The following FNIP2 variants were observed in gnomAD, a reference collection of about 807,000 sequenced individuals.
FNIP2 encodes folliculin-interacting protein 2.
Under a neutral mutation model 108.7 loss-of-function variants are expected in FNIP2, and 32 were observed. The observed-to-expected ratio is 0.29, with a 90% CI of 0.22 to 0.40. The LOEUF is 0.40. Among genes scored for constraint, FNIP2 ranks in the 10% least tolerant of loss-of-function variants. The pLI is 1.00. For synonymous variants in FNIP2, 480 were observed against 496.7 expected, an observed-to-expected ratio of 0.97 and a Z score of 0.45; for missense variants, 1,202 against 1,381.6, an observed-to-expected ratio of 0.87 and a Z score of 2.06.
intron 1 of FNIP2, among the ~76,000 whole-genome samples, chr4:158,787,289 C>A (rs1487684168): frequency 2.0e-5 from 3 of 152,184 alleles, no homozygotes; most frequent in Non-Finnish European, 4.4e-5. Context: ...TTGGGAATTA[C>A]ATGTTGTACA....
chr4:158,813,706 C>CT (rs1157970153), intron 1 of FNIP2, among the ~76,000 whole-genome samples: 5 of 152,192 alleles, frequency 3.3e-5, no homozygotes, highest in African/African-American at 1.2e-4. Flanking sequence ...TCAATGATTT[C>CT]TTTCGTAGAC....
intron 14 of FNIP2, among the ~76,000 whole-genome samples, chr4:158,873,142 C>T (rs565326373): frequency 1.4e-5 from 2 of 146,886 alleles, no homozygotes; most frequent in East Asian, 2.0e-4. Flanking sequence ...AATAAAATAG[C>T]GTTAAAAAAA....
At chr4:158,856,718 A>T (rs7663724) in intron 8 of FNIP2, among the ~76,000 whole-genome samples, 6,737 of 152,150 alleles carry the variant, frequency 0.044, 374 homozygotes, top group African/African-American at 0.14. Context: ...GTTACTAAGA[A>T]CCTTTCTGTT....
chr4:158,847,179 A>G (rs1779452645), intron 7 of FNIP2, among the ~76,000 whole-genome samples: 1 of 152,206 alleles, frequency 6.6e-6, no homozygotes, highest in Non-Finnish European at 1.5e-5. Context: ...CTAGACCACA[A>G]GGACTGCAAC....
intron 14 of FNIP2, among the ~76,000 whole-genome samples, chr4:158,871,245 C>T (rs1320673775): frequency 1.3e-5 from 2 of 152,174 alleles, no homozygotes; most frequent in Non-Finnish European, 2.9e-5. Flanking sequence ...AGGAAACTGT[C>T]AATCTGATGG....
At chr4:158,893,994 A>G (rs1782464971) in intron 15 of FNIP2, among the ~76,000 whole-genome samples, 1 of 152,160 alleles carries the variant, frequency 6.6e-6, no homozygotes, top group Admixed American at 6.5e-5. Flanking sequence ...ACTTGAATGA[A>G]ACCTGTGATT....
chr4:158,863,679 G>A (rs1780417099), intron 12 of FNIP2, among the ~76,000 whole-genome samples: 1 of 152,214 alleles, frequency 6.6e-6, no homozygotes, highest in African/African-American at 2.4e-5. Context: ...AAATATCAGT[G>A]ATTTACATGT....
Position 158,867,592 on chromosome 4 carries a change from T to G in FNIP2, c.1466-510T>G, listed in dbSNP as rs922601370. Among the ~76,000 whole-genome samples the G allele has an allele frequency of 2.1e-4, 32 of 152,230 alleles. 1 individual carries two copies. ...AAGCTGATTCTACTTGGTGTGTGTA[T>G]GCGTATTAAGATAATTCTGTGTAGA... On this transcript the variant is annotated intron_variant, in intron 12 of 16. Coordinates refer to ENST00000264433, the MANE Select transcript of FNIP2 (RefSeq NM_020840.3).
chr4:158,847,665 C>T (rs1477485289), intron 7 of FNIP2, among the ~76,000 whole-genome samples: 4 of 152,052 alleles, frequency 2.6e-5, no homozygotes, highest in Non-Finnish European at 5.9e-5. Context: ...ACCAGGTTGG[C>T]CATAGTGGGG....
At chr4:158,871,123 G>T (rs1780922334) in intron 14 of FNIP2, among the ~76,000 whole-genome samples, 1 of 152,154 alleles carries the variant, frequency 6.6e-6, no homozygotes, top group African/African-American at 2.4e-5. Context: ...CACTTTGATG[G>T]CTGCATGAGG....
At chr4:158,886,082 G>A (rs1421951124) in intron 14 of FNIP2, among the ~76,000 whole-genome samples, 1 of 152,192 alleles carries the variant, frequency 6.6e-6, no homozygotes, top group Non-Finnish European at 1.5e-5. Flanking sequence ...TAACCAGGCT[G>A]ATCCTGTTGA....
chr4:158,860,104 C>T (rs1444035134), intron 10 of FNIP2, among the ~76,000 whole-genome samples: 1 of 152,172 alleles, frequency 6.6e-6, no homozygotes, highest in Non-Finnish European at 1.5e-5. Flanking sequence ...CTAGTTTACA[C>T]CAAGTGTCCT....
At chr4:158,787,169 G>C (rs1295971919) in intron 1 of FNIP2, among the ~76,000 whole-genome samples, 1 of 152,100 alleles carries the variant, frequency 6.6e-6, no homozygotes, top group Non-Finnish European at 1.5e-5. Flanking sequence ...CTTTTTAATG[G>C]AATCATTTCT....
At chr4:158,851,280 C>CT (rs781649293) in intron 7 of FNIP2, 41 bp from the exon 8 acceptor site, 1 of 1,612,336 alleles carries the variant, frequency 6.2e-7, no homozygotes, top group South Asian at 1.1e-5. Flanking sequence ...TACATGAGGA[C>CT]TAATTGACCT....
intron 8 of FNIP2, among the ~76,000 whole-genome samples, chr4:158,856,158 C>T (rs912380136): frequency 1.3e-5 from 2 of 152,234 alleles, no homozygotes; most frequent in Middle Eastern, 3.4e-3. Context: ...GCAATTGAAA[C>T]CCTAAAGAGC....
At position 158,869,342 on chromosome 4, in the gene FNIP2, C is replaced by T. The variant is rs780249190; in HGVS notation, c.2706C>T (p.Asp902=). 2.4e-5 allele frequency: 39 copies of T among 1,613,006 alleles called. No homozygotes were observed. The East Asian group carries it at 4.9e-4, about 20-fold the overall frequency. The change falls in exon 13 of 17, where the codon GAC becomes GAT. Residue 902 remains aspartate, a synonymous_variant. Coordinates refer to ENST00000264433, the MANE Select transcript of FNIP2 (RefSeq NM_020840.3). ...SSDSALGDSD[D]EACASAMLDL... ...ATAGCGCCCTGGGAGACAGTGACGA[C>T]GAAGCCTGCGCTTCAGCCATGCTAG...
At chr4:158,858,920 T>G in intron 8 of FNIP2, 137 bp from the exon 9 acceptor site, 1 of 684,542 alleles carries the variant, frequency 1.5e-6, no homozygotes, top group Non-Finnish European at 2.5e-6. Context: ...CAGGGAATTA[T>G]AGAAAAGAAT....
intron 7 of FNIP2, among the ~76,000 whole-genome samples, chr4:158,846,855 T>C (rs1779430991): frequency 2.6e-5 from 4 of 152,150 alleles, no homozygotes; most frequent in Admixed American, 2.6e-4. Context: ...AGGTGAACGA[T>C]CACAGAACCT....
In FNIP2 at chr4:158,829,711, G is replaced by GGTGT. The variant is rs142274727; in HGVS notation, c.381+509_381+512dup. 6.5e-3 allele frequency among the ~76,000 whole-genome samples: 970 copies of GGTGT among 148,348 alleles called. 4 individuals are homozygous for GGTGT. Among genetic ancestry groups the GGTGT allele is most frequent in the Middle Eastern group, 0.059 (17 of 288 alleles). ...GGCATTTTTTACACTGTGTGTGTGG[G>GGTGT]GTGTGTGTGTGTGTGTGTGTGTGTG... On this transcript the variant is annotated intron_variant, in intron 3 of 16. Coordinates refer to ENST00000264433, the MANE Select transcript of FNIP2 (RefSeq NM_020840.3).
Sources: gnomAD v4.1 joint callset for allele counts (sites outside exome capture counted in the v4.1 genomes callset) on GRCh38, gnomAD v4.1.1 for gene constraint, MANE v1.5 for transcripts, NCBI Gene and HGNC (gene_info 2026-07-23, HGNC 2026-07-21) for gene names.